The following ZNF267 variants were observed in gnomAD, a reference collection of about 807,000 sequenced individuals.
ZNF267 encodes zinc finger protein 267.
ZNF267 carries 61 observed loss-of-function variants against 71.6 expected under a neutral mutation model. The ratio of observed to expected loss-of-function variants is 0.85; its 90% CI spans 0.69 to 1.05. The LOEUF (loss-of-function observed/expected upper bound fraction) is 1.05. Among genes scored for constraint, ZNF267 ranks in the 50% least tolerant of loss-of-function variants. The pLI is 0.00. For synonymous variants in ZNF267, 288 were observed against 293.2 expected (o/e 0.98, Z 0.18); for missense variants, 852 against 870.0 (o/e 0.98, Z 0.26).
chr16:31,884,818 G>A (rs1425410814), intron 2 of ZNF267, among the ~76,000 whole-genome samples, 194 bp downstream of exon 2: 1 of 152,162 alleles, frequency 6.6e-6, no homozygotes, highest in African/African-American at 2.4e-5. Context: ...TTGAGGTGAT[G>A]TACAAGTTTC....
chr16:31,873,898 G>A lies in ZNF267; in HGVS notation c.-69G>A. On this transcript the variant is annotated 5_prime_UTR_variant, in exon 1 of 4. Coordinates refer to ENST00000300870, the MANE Select transcript of ZNF267 (RefSeq NM_003414.6). Reference sequence around the variant, plus strand: ...CGTTCTGAGAATAAACAGAACCTCTGTTGCTCTGCGACTTGCAGGCACTGG... The same window carrying A: ...CGTTCTGAGAATAAACAGAACCTCTATTGCTCTGCGACTTGCAGGCACTGG... 1 of 1,610,272 alleles carries A rather than the reference G, an allele frequency of 6.2e-7. No individual in the cohort carries two copies. Among genetic ancestry groups the A allele is most frequent in the Non-Finnish European group, 8.5e-7 (1 of 1,176,584 alleles).
intron 3 of ZNF267, among the ~76,000 whole-genome samples, chr16:31,892,460 A>G (rs1264196638): frequency 6.6e-6 from 1 of 152,134 alleles, no homozygotes; most frequent in Admixed American, 6.6e-5. Flanking sequence ...ACATTTCAAA[A>G]CACAATCATG....
intron 1 of ZNF267, among the ~76,000 whole-genome samples, chr16:31,877,996 A>G (rs2083864092): frequency 6.6e-6 from 1 of 152,178 alleles, no homozygotes; most frequent in Admixed American, 6.5e-5. Flanking sequence ...GCTTGGAAGT[A>G]TAGATAGGGC....
intron 3 of ZNF267, among the ~76,000 whole-genome samples, chr16:31,909,152 A>G (rs1331564895): frequency 3.9e-5 from 2 of 51,620 alleles, no homozygotes; most frequent in Non-Finnish European, 7.0e-5. Flanking sequence ...TTTTTGACGT[A>G]TCTCCCTCTT....
chr16:31,898,695 A>G (rs2142347941), intron 3 of ZNF267, among the ~76,000 whole-genome samples: 1 of 152,258 alleles, frequency 6.6e-6, no homozygotes, highest in Middle Eastern at 3.4e-3. Flanking sequence ...AGTAGCATAC[A>G]AAAATCCTGC....
At chr16:31,886,932 C>G (rs558824992) in intron 3 of ZNF267, among the ~76,000 whole-genome samples, 1 of 152,036 alleles carries the variant, frequency 6.6e-6, no homozygotes, top group African/African-American at 2.4e-5. Context: ...TTTTGAGGTG[C>G]CTTCGTGCCA....
intron 3 of ZNF267, among the ~76,000 whole-genome samples, chr16:31,902,702 TG>T (rs2084051827): frequency 6.6e-6 from 1 of 152,230 alleles, no homozygotes; most frequent in Non-Finnish European, 1.5e-5. Context: ...GCTGAGACGA[TG>T]GGGTTTTCTA....
chr16:31,885,854 C>T (rs934485254), intron 3 of ZNF267, among the ~76,000 whole-genome samples: 15 of 152,094 alleles, frequency 9.9e-5, no homozygotes, highest in African/African-American at 2.4e-5. Context: ...TTTTTCTCAC[C>T]TGAACTAAGA....
At chr16:31,902,228 G>C (rs922681578) in intron 3 of ZNF267, among the ~76,000 whole-genome samples, 1 of 152,138 alleles carries the variant, frequency 6.6e-6, no homozygotes, top group African/African-American at 2.4e-5. Context: ...CAGGTAGCAT[G>C]ATGCCTCCAG....
At chr16:31,885,137 A>G (rs1488648039) in intron 2 of ZNF267, 24 bp from the exon 3 acceptor site, 2 of 1,566,248 alleles carry the variant, frequency 1.3e-6, no homozygotes, top group East Asian at 4.5e-5. Flanking sequence ...ATTAAGAGTC[A>G]TGTGAATTTT....
In ZNF267 at chr16:31,873,892, A is replaced by C. The variant is rs762110951; in HGVS notation, c.-75A>C. On this transcript the variant is annotated 5_prime_UTR_variant, in exon 1 of 4. Transcript: ENST00000300870. Reference sequence around the variant, plus strand: ...GCTTCGCGTTCTGAGAATAAACAGAACCTCTGTTGCTCTGCGACTTGCAGG... The same window carrying C: ...GCTTCGCGTTCTGAGAATAAACAGACCCTCTGTTGCTCTGCGACTTGCAGG... 2 of 1,602,612 alleles carry C rather than the reference A, an allele frequency of 1.2e-6. No homozygotes were observed. The highest frequency in any genetic ancestry group is 1.7e-6 in the Non-Finnish European group (2 of 1,169,950).
chr16:31,896,351 A>G (rs977410065), intron 3 of ZNF267, among the ~76,000 whole-genome samples: 7 of 152,150 alleles, frequency 4.6e-5, no homozygotes, highest in African/African-American at 1.7e-4. Flanking sequence ...ATATTTTCCA[A>G]GTCTGTACTA....
intron 3 of ZNF267, among the ~76,000 whole-genome samples, chr16:31,892,120 AAG>A (rs1195313375): frequency 6.6e-6 from 1 of 152,174 alleles, no homozygotes; most frequent in Non-Finnish European, 1.5e-5. Context: ...TTACAAAAGA[AAG>A]AGGTTTAATG....
chr16:31,910,150 T>G (rs2142360465), intron 3 of ZNF267, among the ~76,000 whole-genome samples: 1 of 152,154 alleles, frequency 6.6e-6, no homozygotes, highest in South Asian at 2.1e-4. Flanking sequence ...GTTGTTGAAT[T>G]CTGTTTGCTA....
At chr16:31,883,588 AACT>A (rs1300365994) in intron 1 of ZNF267, among the ~76,000 whole-genome samples, 21 of 152,236 alleles carry the variant, frequency 1.4e-4, no homozygotes, top group Admixed American at 3.3e-4. Context: ...GCAAAATACA[AACT>A]ACTATGTAGC....
At chr16:31,901,262 C>T (rs1183721393) in intron 3 of ZNF267, among the ~76,000 whole-genome samples, 6 of 152,052 alleles carry the variant, frequency 3.9e-5, no homozygotes, top group Non-Finnish European at 1.5e-5. Context: ...AATAAACATA[C>T]ATGTGCATGT....
At chr16:31,908,932 T>C (rs1225177974) in intron 3 of ZNF267, among the ~76,000 whole-genome samples, 1 of 152,024 alleles carries the variant, frequency 6.6e-6, no homozygotes, top group East Asian at 1.9e-4. Context: ...ATTTTAGGAT[T>C]GTTTTTTCTA....
intron 3 of ZNF267, among the ~76,000 whole-genome samples, chr16:31,911,447 G>T (rs938151418): frequency 6.6e-6 from 1 of 151,332 alleles, no homozygotes; most frequent in Non-Finnish European, 1.5e-5. Flanking sequence ...TTTTTATCTT[G>T]AAATATATTT....
chr16:31,902,008 A>G (rs1320607109), intron 3 of ZNF267, among the ~76,000 whole-genome samples: 5 of 152,194 alleles, frequency 3.3e-5, no homozygotes, highest in Non-Finnish European at 5.9e-5. Flanking sequence ...AGCTTTCTCC[A>G]TATGGCTAGC....
Sources: allele counts gnomAD v4.1 joint callset (sites outside exome capture counted in the v4.1 genomes callset), GRCh38; gene constraint gnomAD v4.1.1; transcripts MANE v1.5; gene names NCBI Gene and HGNC (gene_info 2026-07-23, HGNC 2026-07-21).